Variants in ADIPOR1 observed in about 807,000 individuals in gnomAD.
ADIPOR1 encodes the protein adiponectin receptor protein 1.
In ADIPOR1, 15 loss-of-function variants were observed where a neutral mutation model predicts 37.5. That is an observed-to-expected ratio of 0.40 (90% CI 0.27 to 0.62). The LOEUF is 0.62. ADIPOR1 is among the 20% of genes least tolerant of loss of function. The probability of loss-of-function intolerance (pLI) is 0.42; values close to 1 mark genes in which losing one functional copy is unlikely to be tolerated. For missense variants in ADIPOR1, 286 were observed against 478.0 expected, an observed-to-expected ratio of 0.60 and a Z score of 3.75; for synonymous variants, 173 against 173.2, an observed-to-expected ratio of 1.00 and a Z score of 0.01.
chr1:202,954,992 A>G (rs1436410086), intron 1 of ADIPOR1, among the ~76,000 whole-genome samples: 1 of 152,190 alleles, frequency 6.6e-6, no homozygotes, highest in Non-Finnish European at 1.5e-5. Flanking sequence ...TCCTAAAGCA[A>G]GACCAGTCTA....
At chr1:202,942,282 T>C in intron 6 of ADIPOR1, 64 bp from the exon 7 acceptor site, 1 of 1,454,622 alleles carries the variant, frequency 6.9e-7, no homozygotes. Flanking sequence ...GGCACTGCTG[T>C]CTTACTCTGG....
At chr1:202,957,866 C>A (rs1366023202) in intron 1 of ADIPOR1, among the ~76,000 whole-genome samples, 1 of 152,216 alleles carries the variant, frequency 6.6e-6, no homozygotes, top group Non-Finnish European at 1.5e-5. Context: ...ATCTGGGGAA[C>A]CCATGCATCT....
Position 202,942,272 on chromosome 1 carries a change from G to A in ADIPOR1, c.806-54C>T, listed in dbSNP as rs75801970. 1.3e-4 allele frequency: 190 copies of A among 1,501,718 alleles called. No homozygotes were observed. In the African/African-American group the frequency reaches 2.1e-3, roughly 17 times the overall value. 93.0% of individuals were successfully genotyped at this position (1,501,718 alleles called of 1,614,324 possible). A position where few individuals can be genotyped will look rare whatever the true frequency, so the allele number is the denominator to read the frequency against. ...ACAAGGAAACAGCCACCGCATGGAA[G>A]GCACTGCTGTCTTACTCTGGAATTT... On this transcript the variant is annotated intron_variant, in intron 6 of 7. Coordinates refer to ENST00000340990, the MANE Select transcript of ADIPOR1 (RefSeq NM_015999.6).
chr1:202,948,123 C>G (rs1200669750), intron 3 of ADIPOR1, among the ~76,000 whole-genome samples, 181 bp downstream of exon 3: 1 of 152,174 alleles, frequency 6.6e-6, no homozygotes, highest in Admixed American at 6.5e-5. Context: ...CAATGCCTCA[C>G]AGAGTAGGCA....
chr1:202,942,816 CT>C (rs1334402708), intron 6 of ADIPOR1, among the ~76,000 whole-genome samples: 1 of 151,760 alleles, frequency 6.6e-6, no homozygotes, highest in East Asian at 1.9e-4. Flanking sequence ...TGGCACGTGG[CT>C]GGTGCTTGAT....
At chr1:202,946,172 A>G (rs961237790) in intron 4 of ADIPOR1, among the ~76,000 whole-genome samples, 5 of 152,154 alleles carry the variant, frequency 3.3e-5, no homozygotes, top group African/African-American at 1.2e-4. Flanking sequence ...GAAATTACGA[A>G]GTACAAGGAA....
At position 202,942,162 on chromosome 1, in the gene ADIPOR1, C is replaced by T. The variant is rs755615066; in HGVS notation, c.862G>A (p.Ala288Thr). 18 of 1,613,994 alleles carry T rather than the reference C, an allele frequency of 1.1e-5. No homozygotes were observed. The highest frequency in any genetic ancestry group is 1.6e-4 in the Middle Eastern group (1 of 6,084). The change falls in exon 7 of 8, where the codon GCT becomes ACT. Residue 288 changes from alanine (A) to threonine (T), a missense_variant. Ala to Thr is a moderately conservative substitution (Grantham distance 58). Coordinates refer to ENST00000340990, the MANE Select transcript of ADIPOR1 (RefSeq NM_015999.6). Reference sequence around the variant, plus strand: ...GTGGTGGCCTTGACAAAGCCCTCAGCGATAGTAAAGTGCATGGTGGGCACG... The same window carrying T: ...GTGGTGGCCTTGACAAAGCCCTCAGTGATAGTAAAGTGCATGGTGGGCACG... ...GVVPTMHFTI[A>T]EGFVKATTVG...
chr1:202,954,376 A>G (rs563374842), intron 1 of ADIPOR1: 1 of 152,354 alleles, frequency 6.6e-6, no homozygotes, highest in South Asian at 2.1e-4. Flanking sequence ...AAGAGCAAAT[A>G]ATACTAGGAT....
chr1:202,944,037 C>T (rs1391539923), intron 5 of ADIPOR1, 92 bp from the exon 6 acceptor site: 13 of 1,144,374 alleles, frequency 1.1e-5, no homozygotes, highest in South Asian at 6.0e-5. Context: ...CACCTGCTCC[C>T]AGATTTAACC....
chr1:202,944,029 C>T (rs1558010467), intron 5 of ADIPOR1, 84 bp from the exon 6 acceptor site: 4 of 1,271,648 alleles, frequency 3.1e-6, no homozygotes, highest in Non-Finnish European at 3.3e-6. Flanking sequence ...CTGTTCTCCA[C>T]CTGCTCCCAG....
At chr1:202,949,042 C>T (rs1176060563) in intron 2 of ADIPOR1, among the ~76,000 whole-genome samples, 3 of 151,724 alleles carry the variant, frequency 2.0e-5, no homozygotes, top group African/African-American at 7.3e-5. Flanking sequence ...CCTCCTGCCT[C>T]GGCCTCCCAA....
chr1:202,955,287 TCTCAG>T (rs1654737378), intron 1 of ADIPOR1, among the ~76,000 whole-genome samples: 1 of 151,834 alleles, frequency 6.6e-6, no homozygotes, highest in Non-Finnish European at 1.5e-5. Flanking sequence ...AGTGGTGTGA[TCTCAG>T]CTCACTGTAG....
chr1:202,950,707 T>C (rs558229530), intron 2 of ADIPOR1, among the ~76,000 whole-genome samples: 1 of 152,216 alleles, frequency 6.6e-6, no homozygotes, highest in Non-Finnish European at 1.5e-5. Context: ...CTGCAGGCCT[T>C]GTGCTAAGCA....
chr1:202,958,003 T>C (rs956287200), intron 1 of ADIPOR1, among the ~76,000 whole-genome samples, 182 bp downstream of exon 1: 3 of 152,054 alleles, frequency 2.0e-5, no homozygotes. Context: ...CCGGAAATGT[T>C]TACAACCTGA....
intron 6 of ADIPOR1, 80 bp downstream of exon 6, chr1:202,943,678 C>T (rs913131902): frequency 3.9e-5 from 58 of 1,488,792 alleles, no homozygotes; most frequent in Non-Finnish European, 4.5e-5. Flanking sequence ...AAGCTGCAAA[C>T]CTTAAGGCTC....
At chr1:202,955,507 C>T (rs1456936581) in intron 1 of ADIPOR1, among the ~76,000 whole-genome samples, 3 of 150,354 alleles carry the variant, frequency 2.0e-5, no homozygotes, top group South Asian at 2.1e-4. Context: ...GTTTTTGAGC[C>T]CTGACAGACA....
In ADIPOR1 at chr1:202,940,949, T is replaced by C. The variant is rs747941880; in HGVS notation, c.*624A>G. On this transcript the variant is annotated 3_prime_UTR_variant, in exon 8 of 8. Transcript: ENST00000340990. ...GCTTAGTATTAAATATTAAATATCT[T>C]TCCCCATTTAAATTTTACATTACTC... The C allele has an allele frequency of 6.6e-6, 1 of 152,616 alleles. No homozygotes were observed. Among genetic ancestry groups the C allele is most frequent in the Non-Finnish European group, 1.5e-5 (1 of 68,038 alleles). 9.5% of individuals were successfully genotyped at this position (152,616 alleles called of 1,614,324 possible). A position where few individuals can be genotyped will look rare whatever the true frequency, so the allele number is the denominator to read the frequency against.
At chr1:202,956,236 A>G (rs1654778519) in intron 1 of ADIPOR1, among the ~76,000 whole-genome samples, 3 of 152,260 alleles carry the variant, frequency 2.0e-5, no homozygotes, top group Non-Finnish European at 2.9e-5. Context: ...GCGTCTAGAT[A>G]TAAAGACGAC....
rs767693457 is a variant in ADIPOR1 at position 202,948,378 on chromosome 1, C to A, written c.184G>T (p.Glu62Ter). ...QTCPVPQEEE[E>*]EVRVLTLPLQ... ...GGAAGTGTCAGTACCCGCACCTCCT[C>A]CTCTTCTTCCTGGGGCACTGGGCAT... The change falls in exon 3 of 8, where the codon GAG becomes TAG. Residue 62 changes from glutamate (E) to a stop codon, truncating the protein, a stop_gained. Transcript: ENST00000340990. LOFTEE classifies it high-confidence loss of function. The A allele has an allele frequency of 6.2e-7, 1 of 1,614,032 alleles. No homozygotes were observed. Among genetic ancestry groups the A allele is most frequent in the Admixed American group, 1.7e-5 (1 of 60,016 alleles).
Sources: allele counts gnomAD v4.1 joint callset (sites outside exome capture counted in the v4.1 genomes callset), GRCh38; gene constraint gnomAD v4.1.1; transcripts MANE v1.5; gene names NCBI Gene and HGNC (gene_info 2026-07-23, HGNC 2026-07-21).